The following ATRNL1 variants were observed in gnomAD, a reference collection of about 807,000 sequenced individuals.
ATRNL1 encodes attractin-like protein 1.
A neutral mutation model predicts 182.7 loss-of-function variants in ATRNL1; 95 were observed. The observed-to-expected ratio is 0.52, with a 90% CI of 0.44 to 0.62. The LOEUF (loss-of-function observed/expected upper bound fraction) is 0.62. Ranked by LOEUF, ATRNL1 falls within the 20% of genes least tolerant of loss-of-function variation. The pLI is 0.00. For missense variants in ATRNL1, 1,471 were observed against 1,679.5 expected, an observed-to-expected ratio of 0.88 and a Z score of 2.17; for synonymous variants, 576 against 568.3, an observed-to-expected ratio of 1.01 and a Z score of -0.19.
At chr10:115,589,110 G>T (rs2804196) in intron 26 of ATRNL1, among the ~76,000 whole-genome samples, 5 of 152,134 alleles carry the variant, frequency 3.3e-5, no homozygotes, top group African/African-American at 1.2e-4. Flanking sequence ...TACCTCAATG[G>T]TTTGTGATGG....
chr10:115,749,538 T>C (rs1948388737), intron 27 of ATRNL1, among the ~76,000 whole-genome samples: 1 of 151,912 alleles, frequency 6.6e-6, no homozygotes, highest in African/African-American at 2.4e-5. Context: ...TCACGTGTTT[T>C]ATTTTTTAAT....
chr10:115,249,448 T>C (rs1292613488), intron 10 of ATRNL1, among the ~76,000 whole-genome samples: 1 of 152,168 alleles, frequency 6.6e-6, no homozygotes, highest in Non-Finnish European at 1.5e-5. Context: ...TTTTTTAATG[T>C]ATAATTGTTA....
intron 26 of ATRNL1, among the ~76,000 whole-genome samples, chr10:115,573,270 G>A (rs1854512458): frequency 6.6e-6 from 1 of 152,068 alleles, no homozygotes; most frequent in African/African-American, 2.4e-5. Flanking sequence ...GGGCCACCTA[G>A]TGGCCGGACT....
At chr10:115,309,958 C>T (rs1217697390) in intron 17 of ATRNL1, among the ~76,000 whole-genome samples, 2 of 152,018 alleles carry the variant, frequency 1.3e-5, no homozygotes, top group Non-Finnish European at 2.9e-5. Flanking sequence ...TTCAACATTT[C>T]CCCATTCACT....
At chr10:115,230,917 G>GAGAGAA (rs1398622445) in intron 9 of ATRNL1, among the ~76,000 whole-genome samples, 25 of 138,406 alleles carry the variant, frequency 1.8e-4, no homozygotes, top group South Asian at 4.8e-4. Flanking sequence ...GAGAGAGAGA[G>GAGAGAA]AGAGAAAGAG....
intron 26 of ATRNL1, among the ~76,000 whole-genome samples, chr10:115,600,048 T>G (rs1856506453): frequency 6.6e-6 from 1 of 152,166 alleles, no homozygotes; most frequent in Admixed American, 6.5e-5. Context: ...TTATTTTGTC[T>G]TTCCCAGAGT....
intron 28 of ATRNL1, among the ~76,000 whole-genome samples, chr10:115,871,467 CTTTGTG>C (rs1321902774): frequency 4.8e-4 from 8 of 16,538 alleles, no homozygotes; most frequent in Admixed American, 1.2e-3. Flanking sequence ...TGGTCAGATT[CTTTGTG>C]TGTGTGTATA....
At position 115,940,386 on chromosome 10, in the gene ATRNL1, T is replaced by TA. The variant is rs573826763; in HGVS notation, c.4019-4271dup. Among the ~76,000 whole-genome samples, 13 of 152,272 alleles carry TA rather than the reference T, an allele frequency of 8.5e-5. 1 individual carries two copies. The East Asian group carries it at 2.5e-3, about 29-fold the overall frequency. ...TAGTAGAGATAGCAGTCTGACTTCT[T>TA]ACAAGTCTGACATAGCAGGCTGGCT... On this transcript the variant is annotated intron_variant, in intron 28 of 28. Coordinates refer to ENST00000355044, the MANE Select transcript of ATRNL1 (RefSeq NM_207303.4).
At chr10:115,510,482 A>G (rs1296571637) in intron 24 of ATRNL1, among the ~76,000 whole-genome samples, 2 of 152,042 alleles carry the variant, frequency 1.3e-5, no homozygotes, top group Admixed American at 6.6e-5. Flanking sequence ...TCCACCAGCA[A>G]AAAGAAAACA....
At chr10:115,706,922 A>G (rs1301403564) in intron 26 of ATRNL1, among the ~76,000 whole-genome samples, 8 of 151,866 alleles carry the variant, frequency 5.3e-5, no homozygotes, top group African/African-American at 9.7e-5. Flanking sequence ...GCATGCTTCT[A>G]TTTCACAGAA....
chr10:115,374,147 TTGA>T (rs1388636900), intron 19 of ATRNL1, among the ~76,000 whole-genome samples: 3 of 151,826 alleles, frequency 2.0e-5, no homozygotes, highest in Non-Finnish European at 4.4e-5. Flanking sequence ...ATTCTATTTG[TTGA>T]TATAAAATTG....
rs187004664 is a variant in ATRNL1 at position 115,371,470 on chromosome 10, G to A, written c.3176-23189G>A. On this transcript the variant is annotated intron_variant, in intron 19 of 28. Transcript: ENST00000355044. Reference sequence around the variant, plus strand: ...ATGGGAACACACCTCTTGCATCAGCGTAACCTGGATGTGAGACATGGAGTC... The same window carrying A: ...ATGGGAACACACCTCTTGCATCAGCATAACCTGGATGTGAGACATGGAGTC... Among the ~76,000 whole-genome samples, 997 of 152,346 alleles carry A rather than the reference G, an allele frequency of 6.5e-3. 11 individuals are homozygous for A. Among genetic ancestry groups the A allele is most frequent in the African/African-American group, 0.023 (939 of 41,586 alleles).
intron 5 of ATRNL1, among the ~76,000 whole-genome samples, chr10:115,139,649 G>T (rs1554877599): frequency 6.6e-6 from 1 of 152,188 alleles, no homozygotes; most frequent in East Asian, 1.9e-4. Context: ...TTCAAGATGA[G>T]ATTTGGGTGA....
At position 115,947,207 on chromosome 10, in the gene ATRNL1, C is replaced by T. The variant is rs2133655535; in HGVS notation, c.*2428C>T. On this transcript the variant is annotated 3_prime_UTR_variant, in exon 29 of 29. Transcript: ENST00000355044. Reference sequence around the variant, plus strand: ...AGGATCAAGGATAATCACTTTGAATCTGTTGGTTTTTCCCCCTACATTCCA... The same window carrying T: ...AGGATCAAGGATAATCACTTTGAATTTGTTGGTTTTTCCCCCTACATTCCA... The T allele has an allele frequency of 6.6e-6, 1 of 152,664 alleles. No individual in the cohort carries two copies. Among genetic ancestry groups the T allele is most frequent in the African/African-American group, 2.4e-5 (1 of 41,558 alleles). 9.5% of individuals were successfully genotyped at this position (152,664 alleles called of 1,614,324 possible).
chr10:115,621,206 A>G (rs1555022634), intron 26 of ATRNL1, among the ~76,000 whole-genome samples: 1 of 148,584 alleles, frequency 6.7e-6, no homozygotes, highest in African/African-American at 2.5e-5. Flanking sequence ...TGTAAATCTT[A>G]TAGATGCAGT....
intron 28 of ATRNL1, among the ~76,000 whole-genome samples, chr10:115,936,514 A>G (rs781932707): frequency 9.9e-5 from 15 of 152,198 alleles, no homozygotes; most frequent in Non-Finnish European, 2.1e-4. Context: ...CTGAGCATCT[A>G]TAGTTTGACG....
At chr10:115,277,853 A>G (rs571289240) in intron 13 of ATRNL1, among the ~76,000 whole-genome samples, 46 of 152,256 alleles carry the variant, frequency 3.0e-4, no homozygotes, top group African/African-American at 1.1e-3. Flanking sequence ...TTGAAATATG[A>G]TTACATTATG....
intron 8 of ATRNL1, among the ~76,000 whole-genome samples, chr10:115,178,167 C>T (rs943075950): frequency 6.6e-6 from 1 of 152,030 alleles, no homozygotes; most frequent in Non-Finnish European, 1.5e-5. Flanking sequence ...TCTTCGACCT[C>T]CCAAAGTGCT....
At chr10:115,349,722 A>G (rs1856142063) in intron 19 of ATRNL1, among the ~76,000 whole-genome samples, 1 of 152,180 alleles carries the variant, frequency 6.6e-6, no homozygotes, top group Admixed American at 6.5e-5. Context: ...ACATTTTTTC[A>G]TAAACCTGTT....
Sources: allele counts gnomAD v4.1 joint callset (sites outside exome capture counted in the v4.1 genomes callset), GRCh38; gene constraint gnomAD v4.1.1; transcripts MANE v1.5; gene names NCBI Gene and HGNC (gene_info 2026-07-23, HGNC 2026-07-21).